SPAG16: variants seen among roughly 807,000 people sequenced by gnomAD.
SPAG16 encodes the protein sperm-associated antigen 16 protein.
Under a neutral mutation model 80.4 loss-of-function variants are expected in SPAG16, and 86 were observed. That is an observed-to-expected ratio of 1.07 (90% CI 0.90 to 1.28). The LOEUF is 1.28. Among genes scored for constraint, SPAG16 ranks in the 50% most tolerant of loss-of-function variants. The probability of loss-of-function intolerance (pLI) is 0.00; values close to 1 mark genes in which losing one functional copy is unlikely to be tolerated. For synonymous variants in SPAG16, 294 were observed against 265.9 expected, an observed-to-expected ratio of 1.11 and a Z score of -1.03; for missense variants, 870 against 765.3, an observed-to-expected ratio of 1.14 and a Z score of -1.61.
chr2:213,711,943 A>G (rs1003322101), intron 10 of SPAG16, among the ~76,000 whole-genome samples: 9 of 152,194 alleles, frequency 5.9e-5, no homozygotes, highest in Non-Finnish European at 1.2e-4. Context: ...TAAATATCAG[A>G]TGCTAGAATA....
At chr2:214,096,931 G>A (rs1365811150) in intron 13 of SPAG16, among the ~76,000 whole-genome samples, 1 of 151,932 alleles carries the variant, frequency 6.6e-6, no homozygotes, top group East Asian at 1.9e-4. Flanking sequence ...ATTAATAATG[G>A]AATATATTTT....
chr2:213,460,395 A>G (rs543249975), intron 9 of SPAG16, among the ~76,000 whole-genome samples: 55 of 152,300 alleles, frequency 3.6e-4, no homozygotes, highest in African/African-American at 1.2e-3. Context: ...AGATATATCC[A>G]TACCAGGGCC....
intron 1 of SPAG16, chr2:213,284,883 G>T: frequency 2.3e-6 from 1 of 435,240 alleles, no homozygotes. Flanking sequence ...TAACCACTCA[G>T]TACATTTTGG....
At chr2:213,426,268 G>T (rs925228485) in intron 9 of SPAG16, among the ~76,000 whole-genome samples, 2 of 151,890 alleles carry the variant, frequency 1.3e-5, no homozygotes, top group Admixed American at 1.3e-4. Context: ...GTTAACCATA[G>T]AAACTTTTTA....
At chr2:214,009,341 A>T (rs2124930750) in intron 12 of SPAG16, among the ~76,000 whole-genome samples, 1 of 152,238 alleles carries the variant, frequency 6.6e-6, no homozygotes, top group East Asian at 1.9e-4. Flanking sequence ...GATAGTAAAA[A>T]GTGCATCCAA....
intron 9 of SPAG16, among the ~76,000 whole-genome samples, chr2:213,414,621 A>G (rs16850294): frequency 0.018 from 2,704 of 152,342 alleles, 51 homozygotes; most frequent in Admixed American, 0.039. Flanking sequence ...ATGTAACATA[A>G]AAGTGATTTT....
At chr2:214,258,875 T>G (rs551703644) in intron 15 of SPAG16, among the ~76,000 whole-genome samples, 4 of 152,158 alleles carry the variant, frequency 2.6e-5, no homozygotes, top group Admixed American at 1.3e-4. Flanking sequence ...TATTATATAA[T>G]TTCAATTTGG....
chr2:213,695,261 G>T (rs753286918), intron 10 of SPAG16, among the ~76,000 whole-genome samples: 1 of 152,034 alleles, frequency 6.6e-6, no homozygotes, highest in African/African-American at 2.4e-5. Flanking sequence ...GACCATCAGG[G>T]CAACTGTTCT....
intron 15 of SPAG16, among the ~76,000 whole-genome samples, chr2:214,362,126 T>C (rs1699227944): frequency 6.6e-6 from 1 of 151,914 alleles, no homozygotes; most frequent in Non-Finnish European, 1.5e-5. Flanking sequence ...ACTTAGATTC[T>C]GGTTCATGTC....
At chr2:213,389,408 A>C (rs2067618648) in intron 9 of SPAG16, among the ~76,000 whole-genome samples, 1 of 152,130 alleles carries the variant, frequency 6.6e-6, no homozygotes, top group Non-Finnish European at 1.5e-5. Context: ...GAAAAACTGG[A>C]CTTTATAAAC....
In SPAG16 at chr2:213,855,964, G is replaced by C. The variant is rs139142577; in HGVS notation, c.1071-6521G>C. Among the ~76,000 whole-genome samples the C allele has an allele frequency of 1.4e-4, 21 of 152,084 alleles. No homozygotes were observed. In the East Asian group the frequency reaches 4.1e-3, roughly 29 times the overall value. The stretch of plus-strand genomic sequence containing the variant: ...TCAAAACACAATCATGTCCTTCCCA[G>C]TCCCCCAAAGTCTCAACTCATTTCA... On this transcript the variant is annotated intron_variant, in intron 10 of 15. Coordinates refer to ENST00000331683, the MANE Select transcript of SPAG16 (RefSeq NM_024532.5).
intron 10 of SPAG16, among the ~76,000 whole-genome samples, chr2:213,840,402 C>T (rs1167332111): frequency 6.6e-6 from 1 of 152,140 alleles, no homozygotes; most frequent in Non-Finnish European, 1.5e-5. Flanking sequence ...TTCCCCCTCC[C>T]ACAATCTCAG....
chr2:213,295,575 T>C (rs1361592588), intron 1 of SPAG16, among the ~76,000 whole-genome samples: 1 of 152,118 alleles, frequency 6.6e-6, no homozygotes, highest in Non-Finnish European at 1.5e-5. Context: ...TTCTTAAATA[T>C]TGGCGTGCAT....
intron 9 of SPAG16, among the ~76,000 whole-genome samples, chr2:213,473,408 T>C (rs1344455229): frequency 6.6e-6 from 1 of 152,188 alleles, no homozygotes; most frequent in Non-Finnish European, 1.5e-5. Context: ...TACAGGGCTC[T>C]TCAAAGATGC....
At chr2:214,319,200 C>CCACACACCACACACACACACACACACA (rs1695913507) in intron 15 of SPAG16, among the ~76,000 whole-genome samples, 2 of 142,242 alleles carry the variant, frequency 1.4e-5, no homozygotes, top group African/African-American at 5.3e-5. Flanking sequence ...CACACACACA[C>CCACACACCACACACACACACACACACA]CACACACACA....
intron 13 of SPAG16, among the ~76,000 whole-genome samples, chr2:214,034,761 A>G (rs1431044706): frequency 6.6e-6 from 1 of 152,202 alleles, no homozygotes; most frequent in African/African-American, 2.4e-5. Flanking sequence ...AGCCCCATAG[A>G]GGATGTCACG....
chr2:213,991,290 A>G (rs192785638), intron 12 of SPAG16, among the ~76,000 whole-genome samples: 155 of 152,196 alleles, frequency 1.0e-3, no homozygotes, highest in African/African-American at 3.6e-3. Flanking sequence ...GTTAAAAATG[A>G]TGGTTTCCAG....
chr2:214,255,881 T>C (rs886596173), intron 15 of SPAG16, among the ~76,000 whole-genome samples: 1 of 151,900 alleles, frequency 6.6e-6, no homozygotes, highest in Non-Finnish European at 1.5e-5. Context: ...GGGCATGAGG[T>C]GTTTTTGGTT....
chr2:213,713,158 C>A (rs563949765), intron 10 of SPAG16, among the ~76,000 whole-genome samples: 1 of 152,280 alleles, frequency 6.6e-6, no homozygotes, highest in African/African-American at 2.4e-5. Flanking sequence ...TAATCACCTC[C>A]TCTGAGGTCC....
Sources: allele counts gnomAD v4.1 joint callset (sites outside exome capture counted in the v4.1 genomes callset), GRCh38; gene constraint gnomAD v4.1.1; transcripts MANE v1.5; gene names NCBI Gene and HGNC (gene_info 2026-07-23, HGNC 2026-07-21).